The following PRL variants were observed in gnomAD, a reference collection of about 807,000 sequenced individuals.
PRL encodes the protein decidual prolactin.
PRL carries 24 observed loss-of-function variants against 21.3 expected under a neutral mutation model. That is an observed-to-expected ratio of 1.13 (90% confidence interval 0.82 to 1.59). PRL has a LOEUF of 1.59. Ranked by LOEUF, PRL falls within the 40% of genes most tolerant of loss-of-function variation. PRL has a pLI of 0.00. For synonymous variants in PRL, 118 were observed against 115.7 expected (o/e 1.02, Z -0.13); for missense variants, 243 against 286.9 (o/e 0.85, Z 1.10).
upstream of PRL, among the ~76,000 whole-genome samples, chr6:22,297,818 G>T (rs567725811): frequency 6.6e-6 from 1 of 152,188 alleles, no homozygotes; most frequent in Non-Finnish European, 1.5e-5. Flanking sequence ...AGTAATTGAG[G>T]TTTTGGGCTT....
Position 22,292,620 on chromosome 6 carries a change from C to G in PRL, c.230G>C (p.Gly77Ala). Residue 77 changes from glycine to alanine, a missense_variant, in exon 3 of 5, where the codon GGG becomes GCG. Gly to Ala is a moderately conservative substitution (Grantham distance 60, BLOSUM62 0). Coordinates refer to ENST00000306482, the MANE Select transcript of PRL (RefSeq NM_000948.6). ...EFDKRYTHGRGFITKAINSCH... is the reference protein window; with the variant it reads ...EFDKRYTHGRAFITKAINSCH... ...GCTGTTGATGGCCTTGGTAATGAAC[C>G]CCCGGCCATGGGTATACCGTTTATC... 1 of 1,613,910 alleles carries G rather than the reference C, an allele frequency of 6.2e-7. No homozygotes were observed. The highest frequency in any genetic ancestry group is 8.5e-7 in the Non-Finnish European group (1 of 1,179,972).
intron 3 of PRL, 46 bp from the exon 4 acceptor site, chr6:22,290,399 A>G (rs918119826): frequency 2.1e-6 from 3 of 1,421,974 alleles, no homozygotes; most frequent in Non-Finnish European, 2.8e-6. Flanking sequence ...GTAAAATACA[A>G]TGGGGTTAGT....
At chr6:22,296,858 G>A in intron 1 of PRL, 97 bp downstream of exon 1, 1 of 1,356,880 alleles carries the variant, frequency 7.4e-7, no homozygotes, top group East Asian at 2.3e-5. Flanking sequence ...TCTAAACCTT[G>A]TAAACCTGCA....
chr6:22,301,411 A>T (rs756049603), upstream of PRL, among the ~76,000 whole-genome samples: 4 of 152,132 alleles, frequency 2.6e-5, no homozygotes, highest in Non-Finnish European at 5.9e-5. Context: ...ATAGGCATTG[A>T]TGTTTTTATT....
chr6:22,297,273 TG>T (rs1328432166), upstream of PRL: 2 of 456,236 alleles, frequency 4.4e-6, no homozygotes, highest in Non-Finnish European at 7.8e-6. Context: ...ATGAGAGAAA[TG>T]ATGAAGGTGA....
chr6:22,287,594 C>A lies in PRL; in HGVS notation c.493-1G>T, dbSNP rs1329807054. ...CATTTTCTTTGGTTTCAGGATGAACCTAATCACACAAAAAAAGAGTGACTT... is the reference window on the plus strand; with the variant it reads ...CATTTTCTTTGGTTTCAGGATGAACATAATCACACAAAAAAAGAGTGACTT... On this transcript the variant is annotated splice_acceptor_variant, in intron 4 of 4. Coordinates refer to ENST00000306482, the MANE Select transcript of PRL (RefSeq NM_000948.6). LOFTEE classifies it high-confidence loss of function. 2 of 1,583,894 alleles carry A rather than the reference C, an allele frequency of 1.3e-6. No homozygotes were observed. Among genetic ancestry groups the A allele is most frequent in the Non-Finnish European group, 8.6e-7 (1 of 1,161,678 alleles).
At chr6:22,291,071 C>T (rs920202180) in intron 3 of PRL, 1 of 152,174 alleles carries the variant, frequency 6.6e-6, no homozygotes, top group African/African-American at 2.4e-5. Flanking sequence ...TGCTTACTAC[C>T]ACGATCGTGT....
intron 2 of PRL, among the ~76,000 whole-genome samples, chr6:22,293,658 G>GGGAA (rs1761107432): frequency 3.2e-5 from 1 of 31,664 alleles, no homozygotes; most frequent in Non-Finnish European, 5.9e-5. Context: ...AAGGAAGGAA[G>GGGAA]GAAGGAAGGA....
chr6:22,300,349 A>G (rs1761259764), upstream of PRL, among the ~76,000 whole-genome samples: 1 of 152,228 alleles, frequency 6.6e-6, no homozygotes, highest in South Asian at 2.1e-4. Context: ...TTCTTGTAAC[A>G]AGTAGCTGAG....
At chr6:22,300,398 C>G (rs143747578), upstream of PRL, among the ~76,000 whole-genome samples, 994 of 152,312 alleles carry the variant, frequency 6.5e-3, 6 homozygotes, top group Admixed American at 0.013. Flanking sequence ...CAGCCAGTTA[C>G]AGGCTACAAA....
Position 22,288,713 on chromosome 6 carries a change from C to A in PRL, c.493-1120G>T, listed in dbSNP as rs1366494627. ...CAGGAAAGCCCAGAGGTCTTAGAGA[C>A]CAAGTAACCATTTTAGCAACTTTAG... On this transcript the variant is annotated intron_variant, in intron 4 of 4. Coordinates refer to ENST00000306482, the MANE Select transcript of PRL (RefSeq NM_000948.6). This position sits in a 1 kb window ranked among gnomAD's most constrained non-coding sequence, Gnocchi z 4.5. Among the ~76,000 whole-genome samples the A allele has an allele frequency of 6.6e-6, 1 of 152,118 alleles. No homozygotes were observed. Among genetic ancestry groups the A allele is most frequent in the Non-Finnish European group, 1.5e-5 (1 of 68,014 alleles).
chr6:22,291,337 C>T (rs557695868), intron 3 of PRL, among the ~76,000 whole-genome samples: 2 of 152,286 alleles, frequency 1.3e-5, no homozygotes, highest in South Asian at 2.1e-4. Context: ...AGCCCAGGCT[C>T]GCTGCTTACT....
At chr6:22,299,569 A>G (rs113359399), upstream of PRL, among the ~76,000 whole-genome samples, 5,316 of 152,288 alleles carry the variant, frequency 0.035, 287 homozygotes, top group African/African-American at 0.12. Flanking sequence ...GGGCGGGCGC[A>G]GTGGCTCACG....
chr6:22,291,746 C>A (rs1377648309), intron 3 of PRL, among the ~76,000 whole-genome samples: 2 of 152,040 alleles, frequency 1.3e-5, no homozygotes, highest in Non-Finnish European at 2.9e-5. Context: ...CATTCCTAAA[C>A]TTGTAAATGG....
At position 22,294,523 on chromosome 6, in the gene PRL, G is replaced by T; in HGVS notation, c.90C>A (p.Pro30=). 1 of 1,613,952 alleles carries T rather than the reference G, an allele frequency of 6.2e-7. No homozygotes were observed. Among genetic ancestry groups the T allele is most frequent in the Non-Finnish European group, 8.5e-7 (1 of 1,179,962 alleles). ...ATCGGGCAGCCCCGCCGGGACAGAT[G>T]GGCAAGGGGGCCACGCTCTGGCACA... ...LLLCQSVAPL[P]ICPGGAARCQ... The change falls in exon 2 of 5, where the codon CCC becomes CCA. Residue 30 remains proline (P), a synonymous_variant. Coordinates refer to ENST00000306482, the MANE Select transcript of PRL (RefSeq NM_000948.6).
chr6:22,297,310 G>T (rs1761199966), upstream of PRL: 1 of 336,896 alleles, frequency 3.0e-6, no homozygotes, highest in Non-Finnish European at 5.4e-6. Flanking sequence ...TGGTTTGGAG[G>T]ATCTATAAAA....
At chr6:22,296,018 G>A (rs896103860) in intron 1 of PRL, among the ~76,000 whole-genome samples, 1 of 152,104 alleles carries the variant, frequency 6.6e-6, no homozygotes, top group African/African-American at 2.4e-5. Flanking sequence ...CTTCCAAAAA[G>A]TTTATTTTAT....
At chr6:22,299,174 C>T (rs915630926), upstream of PRL, among the ~76,000 whole-genome samples, 8 of 152,124 alleles carry the variant, frequency 5.3e-5, no homozygotes, top group Non-Finnish European at 1.2e-4. Context: ...TCAAACTGTG[C>T]CCTTAATTTA....
upstream of PRL, among the ~76,000 whole-genome samples, chr6:22,300,507 CT>C (rs1028680756): frequency 1.1e-4 from 17 of 152,224 alleles, no homozygotes; most frequent in African/African-American, 4.1e-4. Context: ...TGCCTGCCCA[CT>C]TTGCAGAGTG....
Sources: gnomAD v4.1 joint callset for allele counts (sites outside exome capture counted in the v4.1 genomes callset) on GRCh38, gnomAD v4.1.1 for gene constraint, Gnocchi (gnomAD v3.1) non-coding constraint, MANE v1.5 for transcripts, NCBI Gene and HGNC (gene_info 2026-07-23, HGNC 2026-07-21) for gene names.